Variants in USP53 observed in about 807,000 individuals in gnomAD.
USP53 encodes the protein ubiquitin specific peptidase 53.
In USP53, 71 loss-of-function variants were observed where a neutral mutation model predicts 94.9. The ratio of observed to expected loss-of-function variants is 0.75; its 90% CI spans 0.62 to 0.91. USP53 has a LOEUF of 0.91. Among genes scored for constraint, USP53 ranks in the 40% least tolerant of loss-of-function variants. USP53 has a pLI of 0.00. For synonymous variants in USP53, 375 were observed against 422.7 expected (o/e 0.89, Z 1.39); for missense variants, 1,173 against 1,281.0 (o/e 0.92, Z 1.29).
At chr4:119,259,293 AAAG>A (rs1750171917) in intron 9 of USP53, among the ~76,000 whole-genome samples, 1 of 149,558 alleles carries the variant, frequency 6.7e-6, no homozygotes. Flanking sequence ...AAAAAAAAAA[AAAG>A]GGGGGGGAGT....
chr4:119,226,815 A>G (rs1419204514), intron 3 of USP53, among the ~76,000 whole-genome samples: 1 of 152,092 alleles, frequency 6.6e-6, no homozygotes, highest in Non-Finnish European at 1.5e-5. Flanking sequence ...TATATCTACT[A>G]TGTAAGTAAT....
rs75670519 is a variant in USP53 at position 119,235,868 on chromosome 4, C to G, written c.-543+457C>G. ...CATTATCCTATCTAAAAGCACAAAC[C>G]ATCCCACATTATATATACTTCCTAT... On this transcript the variant is annotated intron_variant, in intron 4 of 18. Transcript: ENST00000692078. 5.9e-3 allele frequency among the ~76,000 whole-genome samples: 894 copies of G among 152,236 alleles called. 10 individuals are homozygous for G. Among genetic ancestry groups the G allele is most frequent in the African/African-American group, 0.02 (849 of 41,520 alleles).
chr4:119,284,502 T>C (rs1284835751), intron 17 of USP53, among the ~76,000 whole-genome samples: 3 of 151,864 alleles, frequency 2.0e-5, no homozygotes, highest in Admixed American at 6.6e-5. Context: ...ATTTGGAATG[T>C]TTTAGCCCCC....
intron 15 of USP53, among the ~76,000 whole-genome samples, chr4:119,271,067 G>C (rs943521413): frequency 2.6e-5 from 4 of 152,060 alleles, no homozygotes; most frequent in African/African-American, 9.7e-5. Context: ...CCTCAATTAT[G>C]ATCTACCTTA....
At chr4:119,238,209 T>A (rs1747043723) in intron 4 of USP53, among the ~76,000 whole-genome samples, 2 of 152,228 alleles carry the variant, frequency 1.3e-5, no homozygotes, top group South Asian at 2.1e-4. Context: ...ACTTTCAACA[T>A]GCCTTCCTCA....
chr4:119,232,911 A>T (rs573727703), intron 3 of USP53, among the ~76,000 whole-genome samples: 19 of 152,272 alleles, frequency 1.2e-4, no homozygotes, highest in Admixed American at 1.2e-3. Flanking sequence ...TGAAGTTTAG[A>T]TAAAAATTTA....
Position 119,228,172 on chromosome 4 carries a change from A to G in USP53, c.-664-7118A>G, listed in dbSNP as rs546510267. On this transcript the variant is annotated intron_variant, in intron 3 of 18. Coordinates refer to ENST00000692078, the MANE Select transcript of USP53 (RefSeq NM_001371395.1). The stretch of plus-strand genomic sequence containing the variant: ...TCTTACAAGAGTGGTCAAAGCATCA[A>G]ATGGGCTGGCCTTTTATCTGGAGGC... Among the ~76,000 whole-genome samples the G allele has an allele frequency of 1.1e-4, 16 of 152,352 alleles. No homozygotes were observed. The South Asian group carries it at 2.9e-3, about 28-fold the overall frequency.
Position 119,293,215 on chromosome 4 carries a change from G to C in USP53, c.*4G>C. On this transcript the variant is annotated 3_prime_UTR_variant, in exon 19 of 19. Coordinates refer to ENST00000692078, the MANE Select transcript of USP53 (RefSeq NM_001371395.1). ...TTGTAATAATTCACTATCTTAGAGT[G>C]AAAAAGGACTAGACCTGTGTTACAT... is the stretch of plus-strand genomic sequence containing the variant. The C allele has an allele frequency of 7.6e-6, 12 of 1,577,046 alleles. No homozygotes were observed. Among genetic ancestry groups the C allele is most frequent in the Non-Finnish European group, 1.0e-5 (12 of 1,170,274 alleles).
intron 12 of USP53, among the ~76,000 whole-genome samples, chr4:119,265,956 T>TTGGTATATTTTGATTTGGTTC (rs1751075545): frequency 6.6e-6 from 1 of 152,216 alleles, no homozygotes; most frequent in Non-Finnish European, 1.5e-5. Context: ...TGTATTTACC[T>TTGGTATATTTTGATTTGGTTC]ATGTAACTAC....
rs557411168 is a variant in USP53, at chr4:119,293,127, G to A, written c.3138G>A (p.Thr1046=). The A allele has an allele frequency of 4.1e-5, 66 of 1,613,658 alleles. No homozygotes were observed. The East Asian group carries it at 4.7e-4, about 11-fold the overall frequency. ...ATTTTTCAGTTGATAGCTGCATGACGGATACATATAGATTGAAATACCATC... is the reference window on the plus strand; with the variant it reads ...ATTTTTCAGTTGATAGCTGCATGACAGATACATATAGATTGAAATACCATC... ...TTYFSVDSCM[T]DTYRLKYHQR... is the part of the protein sequence containing the mutation. The change falls in exon 19 of 19, where the codon ACG becomes ACA. Residue 1046 remains threonine, a synonymous_variant. Transcript: ENST00000692078.
intron 7 of USP53, among the ~76,000 whole-genome samples, chr4:119,253,040 G>A (rs1236454306): frequency 4.6e-5 from 7 of 152,120 alleles, no homozygotes; most frequent in East Asian, 3.9e-4. Flanking sequence ...CTAGTTGTGC[G>A]TATTTGAATG....
chr4:119,279,611 A>T (rs7656890), intron 17 of USP53, among the ~76,000 whole-genome samples: 326 of 151,412 alleles, frequency 2.2e-3, no homozygotes, highest in Middle Eastern at 0.01. Context: ...GGCCTCCTTG[A>T]GCTGTGGTGG....
chr4:119,236,486 C>T (rs1188050179), intron 4 of USP53, among the ~76,000 whole-genome samples: 16 of 152,212 alleles, frequency 1.1e-4, no homozygotes, highest in Non-Finnish European at 1.8e-4. Context: ...TAGCATGTGA[C>T]ACTGTTTGAT....
chr4:119,251,230 G>A (rs1390930026), intron 7 of USP53, among the ~76,000 whole-genome samples: 2 of 152,132 alleles, frequency 1.3e-5, no homozygotes, highest in African/African-American at 2.4e-5. Flanking sequence ...CAAAGGACAT[G>A]AACTCATCCT....
Position 119,261,875 on chromosome 4 carries a change from C to G in USP53, c.972+11C>G. The G allele has an allele frequency of 7.0e-7, 1 of 1,438,486 alleles. No individual in the cohort carries two copies. The highest frequency in any genetic ancestry group is 9.3e-7 in the Non-Finnish European group (1 of 1,080,238). The allele number at this position is 1,438,486 out of a possible 1,614,324, so 89.1% of individuals were successfully genotyped here. ...GCAAATGTGAAAGAGGTAAGTGACA[C>G]TTTCTTTAATTGAAATAATTACTGT... On this transcript the variant is annotated intron_variant, in intron 12 of 18. Transcript: ENST00000692078.
At chr4:119,288,064 A>G (rs1013973294) in intron 17 of USP53, among the ~76,000 whole-genome samples, 1 of 152,188 alleles carries the variant, frequency 6.6e-6, no homozygotes, top group African/African-American at 2.4e-5. Flanking sequence ...TATCTTTATA[A>G]TCTTAGAAAA....
chr4:119,260,008 T>A, intron 10 of USP53, 83 bp downstream of exon 10: 1 of 943,570 alleles, frequency 1.1e-6, no homozygotes, highest in Non-Finnish European at 1.5e-6. Flanking sequence ...ATGTAAATAT[T>A]GATTCTATAT....
intron 6 of USP53, among the ~76,000 whole-genome samples, chr4:119,246,980 A>C (rs1748339530): frequency 6.6e-6 from 1 of 151,920 alleles, no homozygotes. Flanking sequence ...CCTTAATTTC[A>C]TTATGTTCCT....
chr4:119,244,506 A>C (rs1747962227), intron 5 of USP53, among the ~76,000 whole-genome samples: 1 of 152,326 alleles, frequency 6.6e-6, no homozygotes, highest in Non-Finnish European at 1.5e-5. Context: ...AGTAACAGCC[A>C]CAAATAGCAG....
Sources: allele counts gnomAD v4.1 joint callset (sites outside exome capture counted in the v4.1 genomes callset), GRCh38; gene constraint gnomAD v4.1.1; transcripts MANE v1.5; gene names NCBI Gene and HGNC (gene_info 2026-07-23, HGNC 2026-07-21).